Variants in BBOF1 observed in about 807,000 individuals in gnomAD.
The protein encoded by BBOF1 is basal body orientation factor 1.
BBOF1 carries 62 observed loss-of-function variants against 68.0 expected under a neutral mutation model. The observed-to-expected ratio is 0.91, with a 90% confidence interval of 0.74 to 1.13. The LOEUF (loss-of-function observed/expected upper bound fraction) is 1.13, where lower values mean the gene tolerates loss of function less well. Ranked by LOEUF, BBOF1 falls within the 50% of genes most tolerant of loss-of-function variation. The pLI, the probability that BBOF1 is intolerant of heterozygous loss-of-function variation, is 0.00. For missense variants in BBOF1, 534 were observed against 600.1 expected (o/e 0.89, Z 1.15); for synonymous variants, 208 against 198.8 (o/e 1.05, Z -0.39).
At chr14:74,032,177 A>C (rs2059587301) in intron 3 of BBOF1, among the ~76,000 whole-genome samples, 1 of 127,518 alleles carries the variant, frequency 7.8e-6, no homozygotes, top group African/African-American at 3.1e-5. Context: ...CCCAGGCTGG[A>C]GTGCAGTGGC....
intron 1 of BBOF1, among the ~76,000 whole-genome samples, chr14:74,021,733 C>G (rs1417822922): frequency 1.3e-5 from 2 of 152,096 alleles, no homozygotes; most frequent in Non-Finnish European, 2.9e-5. Context: ...CGGTGAAACC[C>G]CGTCTCTACT....
intron 5 of BBOF1, among the ~76,000 whole-genome samples, chr14:74,041,630 G>A (rs1443796990): frequency 6.6e-6 from 1 of 152,062 alleles, no homozygotes; most frequent in Admixed American, 6.6e-5. Context: ...GCTCACTGCA[G>A]CCTTGACCTC....
intron 1 of BBOF1, among the ~76,000 whole-genome samples, chr14:74,021,158 A>C (rs899811406): frequency 3.3e-5 from 5 of 152,224 alleles, no homozygotes; most frequent in Non-Finnish European, 5.9e-5. Context: ...CATGGTACCT[A>C]CCATATATAA....
downstream of BBOF1, chr14:74,068,849 TAAG>T: frequency 1.2e-6 from 2 of 1,613,758 alleles, no homozygotes; most frequent in African/African-American, 1.3e-5. Flanking sequence ...AAAAAAGGAA[TAAG>T]AAGTCACCAT....
intron 9 of BBOF1, among the ~76,000 whole-genome samples, chr14:74,056,569 C>T (rs1193212978): frequency 6.6e-6 from 1 of 151,894 alleles, no homozygotes; most frequent in East Asian, 1.9e-4. Context: ...CTCCTGACCT[C>T]AGATGATCCA....
chr14:74,066,954 GC>G (rs1239596431), downstream of BBOF1: 4 of 1,481,810 alleles, frequency 2.7e-6, no homozygotes, highest in African/African-American at 5.5e-5. Flanking sequence ...CAGGGCTCAT[GC>G]CTGTAATCCC....
chr14:74,054,347 C>T (rs748727315), intron 8 of BBOF1, among the ~76,000 whole-genome samples: 1 of 149,218 alleles, frequency 6.7e-6, no homozygotes, highest in African/African-American at 2.5e-5. Flanking sequence ...TTGTCTGTGT[C>T]TCTAAATAAA....
Position 74,047,953 on chromosome 14 carries a change from A to G in BBOF1, c.671A>G (p.Asn224Ser), listed in dbSNP as rs1380743156. Reference protein sequence around the residue: ...AIVQLNDAGRNVFKENDYLQK... With the variant: ...AIVQLNDAGRSVFKENDYLQK... Reference sequence around the variant, plus strand: ...AGGCAATTGAACGATGCTGGAAGAAATGTTTTTAAAGAGAATGATTATCTT... The same window carrying G: ...AGGCAATTGAACGATGCTGGAAGAAGTGTTTTTAAAGAGAATGATTATCTT... The change falls in exon 7 of 12, where the codon AAT becomes AGT. Residue 224 changes from asparagine (N) to serine (S), a missense_variant. Physicochemically the swap from Asn to Ser is conservative, Grantham distance 46. Coordinates refer to ENST00000394009, the MANE Select transcript of BBOF1 (RefSeq NM_025057.3). 1 of 1,609,492 alleles carries G rather than the reference A, an allele frequency of 6.2e-7. No homozygotes were observed. Among genetic ancestry groups the G allele is most frequent in the South Asian group, 1.1e-5 (1 of 89,614 alleles).
In BBOF1 at chr14:74,071,289, C is replaced by T. The variant is rs8008790; in HGVS notation, n.1380-6907C>T. The T allele has an allele frequency of 2.6e-3, 4,200 of 1,614,160 alleles. 86 individuals carry two copies. In the African/African-American group the frequency reaches 0.045, roughly 17 times the overall value. On this transcript the variant is annotated intron_variant and non_coding_transcript_variant, in intron 9 of 12. Coordinates refer to the BBOF1 transcript ENST00000492026. ...GAAGCATAGTTGCTCCAGGGACTCG[C>T]TCAGATGGTTTCATTAGGAAGGTAT...
intron 2 of BBOF1, among the ~76,000 whole-genome samples, chr14:74,028,510 ACAAAT>A (rs2059488827): frequency 8.0e-6 from 1 of 124,358 alleles, no homozygotes; most frequent in East Asian, 6.3e-4. Context: ...ACACACACAC[ACAAAT>A]AGAGGGAAAG....
At chr14:74,071,065 A>G, downstream of BBOF1, 1 of 954,596 alleles carries the variant, frequency 1.0e-6, no homozygotes, top group Non-Finnish European at 1.7e-6. Context: ...ATCAACAAAC[A>G]TGGAGGTTAA....
chr14:74,069,203 C>T (rs1223301167), downstream of BBOF1: 1 of 418,124 alleles, frequency 2.4e-6, no homozygotes, highest in African/African-American at 2.2e-5. Flanking sequence ...CTCCCAGGTT[C>T]AAGCAATTCT....
At chr14:74,019,563 C>T (rs1476543334) in intron 1 of BBOF1, 29 bp downstream of exon 1, 2 of 1,568,864 alleles carry the variant, frequency 1.3e-6, no homozygotes, top group Non-Finnish European at 8.6e-7. Context: ...AGAGTCCCCT[C>T]TCCCTGGGCC....
At chr14:74,022,278 T>C (rs1435114002) in intron 1 of BBOF1, among the ~76,000 whole-genome samples, 1 of 152,164 alleles carries the variant, frequency 6.6e-6, no homozygotes, top group Non-Finnish European at 1.5e-5. Context: ...CCAAGCGCAG[T>C]GGCTCACACC....
Position 74,023,073 on chromosome 14 carries a change from T to C in BBOF1, c.214T>C (p.Cys72Arg). 6.2e-7 allele frequency: 1 copy of C among 1,605,728 alleles called. No individual in the cohort carries two copies. Among genetic ancestry groups the C allele is most frequent in the Non-Finnish European group, 8.5e-7 (1 of 1,176,004 alleles). The change falls in exon 2 of 12, where the codon TGT becomes CGT. Residue 72 changes from cysteine to arginine, a missense_variant. By Grantham distance (180) the Cys-to-Arg change is radical. Transcript: ENST00000394009. ...KSNEDLKKKQ[C>R]KMEKDIMSVL... ...TAATGAGGACTTAAAGAAAAAGCAA[T>C]GTAAAATGGAGAAAGACATAATGTC...
intron 3 of BBOF1, among the ~76,000 whole-genome samples, chr14:74,032,776 G>A (rs1459057416): frequency 1.3e-5 from 2 of 152,184 alleles, no homozygotes; most frequent in Non-Finnish European, 2.9e-5. Flanking sequence ...ACAGGTGTGA[G>A]CCACCACGTC....
downstream of BBOF1, among the ~76,000 whole-genome samples, chr14:74,069,678 G>A (rs911911178): frequency 4.0e-5 from 6 of 151,762 alleles, no homozygotes; most frequent in African/African-American, 9.7e-5. Flanking sequence ...GCTTGAACCC[G>A]GGAGGCAGAG....
chr14:74,082,374 C>G (rs1227167004), intron 12 of BBOF1, among the ~76,000 whole-genome samples: 1 of 144,162 alleles, frequency 6.9e-6, no homozygotes, highest in Non-Finnish European at 1.5e-5. Flanking sequence ...CTCTAATATT[C>G]ATGGCTGCCA....
At chr14:74,062,487 G>A (rs2060368855) in intron 11 of BBOF1, among the ~76,000 whole-genome samples, 1 of 151,950 alleles carries the variant, frequency 6.6e-6, no homozygotes, top group South Asian at 2.1e-4. Context: ...TGTAATCCCA[G>A]CTACTCGGGA....
Sources: gnomAD v4.1 joint callset for allele counts (sites outside exome capture counted in the v4.1 genomes callset) on GRCh38, gnomAD v4.1.1 for gene constraint, MANE v1.5 for transcripts, NCBI Gene and HGNC (gene_info 2026-07-23, HGNC 2026-07-21) for gene names.